Variants in ABLIM1 observed in about 807,000 individuals in gnomAD.
ABLIM1 encodes the protein actin-binding LIM protein 1.
Under a neutral mutation model 107.0 loss-of-function variants are expected in ABLIM1, and 40 were observed. That is an observed-to-expected ratio of 0.37 (90% confidence interval 0.29 to 0.49). The LOEUF is 0.49. Ranked by LOEUF, ABLIM1 falls within the 20% of genes least tolerant of loss-of-function variation. ABLIM1 has a pLI of 0.97. For synonymous variants in ABLIM1, 357 were observed against 357.3 expected, an observed-to-expected ratio of 1.00 and a Z score of 0.01; for missense variants, 857 against 1,008.5, an observed-to-expected ratio of 0.85 and a Z score of 2.04.
At chr10:114,598,339 T>A (rs1167744398) in intron 2 of ABLIM1, among the ~76,000 whole-genome samples, 1 of 146,728 alleles carries the variant, frequency 6.8e-6, no homozygotes, top group African/African-American at 2.5e-5. Context: ...TGTATCCCCA[T>A]GCTTTGGGAG....
chr10:114,669,305 T>C (rs909143761), intron 1 of ABLIM1, among the ~76,000 whole-genome samples: 3 of 152,154 alleles, frequency 2.0e-5, no homozygotes, highest in African/African-American at 7.2e-5. Flanking sequence ...AGAGAAGCAG[T>C]TTGAAAACAA....
At chr10:114,605,503 A>T (rs2076348157) in intron 1 of ABLIM1, among the ~76,000 whole-genome samples, 1 of 152,190 alleles carries the variant, frequency 6.6e-6, no homozygotes, top group South Asian at 2.1e-4. Flanking sequence ...GCCCAAAGTC[A>T]TCAGGAGTTA....
At chr10:114,782,532 T>C in the ABLIM1 span, among the ~76,000 whole-genome samples, 10 of 152,194 alleles carry the variant, frequency 6.6e-5, no homozygotes, top group Admixed American at 6.5e-4. Flanking sequence ...TACATGAGCT[T>C]AAATAATCAC....
intron 6 of ABLIM1, among the ~76,000 whole-genome samples, chr10:114,532,830 C>T (rs2065594509): frequency 6.6e-6 from 1 of 152,110 alleles, no homozygotes. Flanking sequence ...AGTTGCAATG[C>T]CCAGCAGAGG....
intron 1 of ABLIM1, among the ~76,000 whole-genome samples, chr10:114,620,131 T>C (rs989241059): frequency 1.3e-5 from 2 of 152,170 alleles, no homozygotes; most frequent in African/African-American, 4.8e-5. Flanking sequence ...TTTTCAAACT[T>C]TGGGTCTTGA....
the ABLIM1 span, among the ~76,000 whole-genome samples, chr10:114,788,018 C>G: frequency 4.7e-4 from 69 of 146,988 alleles, no homozygotes; most frequent in African/African-American, 1.6e-3. Context: ...TCCTGTTGAT[C>G]TGTGACCTTA....
intron 12 of ABLIM1, among the ~76,000 whole-genome samples, chr10:114,463,553 T>C (rs762473349): frequency 6.9e-6 from 1 of 145,532 alleles, no homozygotes; most frequent in Non-Finnish European, 1.5e-5. Flanking sequence ...ACAATCATTG[T>C]ATTTATATGT....
At chr10:114,764,147 T>C (rs1401461199) in intron 1 of ABLIM1, among the ~76,000 whole-genome samples, 1 of 152,192 alleles carries the variant, frequency 6.6e-6, no homozygotes, top group East Asian at 1.9e-4. Flanking sequence ...AAAATCAAAA[T>C]ATAATGGATC....
At chr10:114,698,615 C>T (rs1193842179) in intron 1 of ABLIM1, among the ~76,000 whole-genome samples, 2 of 152,110 alleles carry the variant, frequency 1.3e-5, no homozygotes. Flanking sequence ...GCTAGACATA[C>T]ACTGGTGTAA....
chr10:114,491,461 A>G (rs892271749), intron 7 of ABLIM1, among the ~76,000 whole-genome samples: 1 of 152,096 alleles, frequency 6.6e-6, no homozygotes, highest in Non-Finnish European at 1.5e-5. Context: ...TTTGTTTCCT[A>G]AGCATATTCC....
At chr10:114,710,590 C>T (rs528762023) in intron 1 of ABLIM1, among the ~76,000 whole-genome samples, 31 of 152,184 alleles carry the variant, frequency 2.0e-4, no homozygotes, top group African/African-American at 7.5e-4. Context: ...TGGGTGGGAA[C>T]GCAGCCAAAC....
intron 6 of ABLIM1, among the ~76,000 whole-genome samples, chr10:114,493,786 T>C (rs1342664533): frequency 6.6e-6 from 1 of 152,200 alleles, no homozygotes; most frequent in African/African-American, 2.4e-5. Flanking sequence ...TGTATGATAT[T>C]TCTAGATGGA....
At chr10:114,468,395 C>A (rs2133764845) in intron 10 of ABLIM1, 179 bp from the exon 11 acceptor site, 1 of 559,566 alleles carries the variant, frequency 1.8e-6, no homozygotes, top group East Asian at 3.4e-5. Context: ...CTGCCTCAGC[C>A]TCCCAAGTAG....
intron 1 of ABLIM1, among the ~76,000 whole-genome samples, chr10:114,608,389 G>T (rs988575084): frequency 1.3e-5 from 2 of 152,098 alleles, no homozygotes; most frequent in Non-Finnish European, 2.9e-5. Context: ...AAATAAGATG[G>T]CCGGGGGCAG....
At chr10:114,528,145 T>C (rs2065056297) in intron 6 of ABLIM1, among the ~76,000 whole-genome samples, 1 of 152,010 alleles carries the variant, frequency 6.6e-6, no homozygotes, top group Non-Finnish European at 1.5e-5. Flanking sequence ...AATTTTTAAA[T>C]TTTTTGTGGA....
chr10:114,657,428 C>T (rs1373580869), intron 1 of ABLIM1, among the ~76,000 whole-genome samples: 1 of 152,200 alleles, frequency 6.6e-6, no homozygotes, highest in African/African-American at 2.4e-5. Flanking sequence ...ATGAGTGACA[C>T]GTTTTAATGA....
chr10:114,588,487 C>CTTTTTTTTTTTTTTTTTTTTTTTTTTTT (rs34043960), intron 2 of ABLIM1, among the ~76,000 whole-genome samples: 1 of 76,556 alleles, frequency 1.3e-5, no homozygotes, highest in Admixed American at 1.9e-4. Flanking sequence ...TTCTTTCTTT[C>CTTTTTTTTTTTTTTTTTTTTTTTTTTTT]TTTTTTTTTT....
chr10:114,738,471 A>C (rs1591917439), intron 1 of ABLIM1, among the ~76,000 whole-genome samples: 1 of 152,208 alleles, frequency 6.6e-6, no homozygotes, highest in East Asian at 1.9e-4. Flanking sequence ...TTCATGGGAA[A>C]ATGTACAAAT....
chr10:114,602,743 C>G (rs988264656), intron 1 of ABLIM1, among the ~76,000 whole-genome samples: 3 of 152,190 alleles, frequency 2.0e-5, no homozygotes, highest in Non-Finnish European at 2.9e-5. Context: ...CAGACCTTAA[C>G]ATCACATGAT....
Sources: gnomAD v4.1 joint callset for allele counts (sites outside exome capture counted in the v4.1 genomes callset) on GRCh38, gnomAD v4.1.1 for gene constraint, MANE v1.5 for transcripts, NCBI Gene and HGNC (gene_info 2026-07-23, HGNC 2026-07-21) for gene names.